Variants in VWA5B1 observed in about 807,000 individuals in gnomAD.
The protein encoded by VWA5B1 is von Willebrand factor A domain containing 5B1, also known as von Willebrand factor A domain-containing protein 5B1.
A neutral mutation model predicts 118.2 loss-of-function variants in VWA5B1; 115 were observed. That is an observed-to-expected ratio of 0.97 (90% confidence interval 0.84 to 1.14). The LOEUF is 1.14. Among genes scored for constraint, VWA5B1 ranks in the 50% most tolerant of loss-of-function variants. The probability of loss-of-function intolerance (pLI) is 0.00; values close to 1 mark genes in which losing one functional copy is unlikely to be tolerated. For synonymous variants in VWA5B1, 682 were observed against 658.4 expected, an observed-to-expected ratio of 1.04 and a Z score of -0.55; for missense variants, 1,596 against 1,603.8, an observed-to-expected ratio of 1.00 and a Z score of 0.08.
intron 6 of VWA5B1, 29 bp downstream of exon 6, chr1:20,318,750 C>T: frequency 6.9e-7 from 1 of 1,451,806 alleles, no homozygotes; most frequent in East Asian, 2.6e-5. Context: ...GGCCCCTGGG[C>T]TGCCTGTGGG....
intron 6 of VWA5B1, 79 bp from the exon 7 acceptor site, chr1:20,319,303 T>C: frequency 2.0e-6 from 3 of 1,523,962 alleles, no homozygotes; most frequent in Non-Finnish European, 2.7e-6. Context: ...TGTGAGAATC[T>C]TGCACCTAAA....
intron 1 of VWA5B1, among the ~76,000 whole-genome samples, chr1:20,299,281 G>A (rs1159451476): frequency 1.3e-5 from 2 of 152,122 alleles, no homozygotes; most frequent in Non-Finnish European, 2.9e-5. Flanking sequence ...GCACCAGCTG[G>A]AGCCCAAGAA....
intron 11 of VWA5B1, among the ~76,000 whole-genome samples, chr1:20,331,718 T>C (rs2089560470): frequency 6.6e-6 from 1 of 152,042 alleles, no homozygotes. Context: ...GCTGAATCAT[T>C]GACTTGGGGC....
At chr1:20,302,085 C>T (rs1242535031) in intron 1 of VWA5B1, among the ~76,000 whole-genome samples, 2 of 152,172 alleles carry the variant, frequency 1.3e-5, no homozygotes, top group African/African-American at 2.4e-5. Context: ...AGTCTCCTAG[C>T]TGGAAGCCCC....
chr1:20,322,346 AAGTCGGG>A (rs2089245091), intron 7 of VWA5B1, among the ~76,000 whole-genome samples: 1 of 152,130 alleles, frequency 6.6e-6, no homozygotes. Context: ...CAGAGAGAGA[AAGTCGGG>A]GTGGAAAGTG....
intron 4 of VWA5B1, among the ~76,000 whole-genome samples, chr1:20,316,244 C>A (rs564977696): frequency 2.6e-5 from 4 of 152,176 alleles, no homozygotes; most frequent in Non-Finnish European, 5.9e-5. Context: ...TGTGGCCTTT[C>A]ACCCAGGGAT....
At chr1:20,341,595 T>A (rs933361345) in intron 14 of VWA5B1, among the ~76,000 whole-genome samples, 1 of 152,258 alleles carries the variant, frequency 6.6e-6, no homozygotes, top group Non-Finnish European at 1.5e-5. Flanking sequence ...ACTTTTGCTA[T>A]AAACGGCCTG....
chr1:20,307,839 G>C (rs572410007), intron 1 of VWA5B1, among the ~76,000 whole-genome samples: 1 of 149,090 alleles, frequency 6.7e-6, no homozygotes, highest in Non-Finnish European at 1.5e-5. Flanking sequence ...TATAGATTTT[G>C]GTTTTTTATT....
intron 1 of VWA5B1, among the ~76,000 whole-genome samples, chr1:20,293,897 A>T (rs2088357717): frequency 6.6e-6 from 1 of 152,160 alleles, no homozygotes. Flanking sequence ...ACGTGGGTGG[A>T]CAGAGAGGAG....
intron 20 of VWA5B1, among the ~76,000 whole-genome samples, chr1:20,351,180 A>T (rs2090121867): frequency 6.6e-6 from 1 of 152,232 alleles, no homozygotes; most frequent in African/African-American, 2.4e-5. Context: ...GAGGGCTGAC[A>T]TAAAACTCTT....
intron 14 of VWA5B1, chr1:20,338,048 C>G (rs762273771): frequency 1.4e-6 from 1 of 701,222 alleles, no homozygotes; most frequent in South Asian, 1.5e-5. Flanking sequence ...CGCTCATTCC[C>G]TGCACACACA....
chr1:20,314,226 T>C (rs2088932478), intron 3 of VWA5B1, 96 bp from the exon 4 acceptor site: 1 of 1,307,456 alleles, frequency 7.6e-7, no homozygotes, highest in Non-Finnish European at 1.1e-6. Context: ...GATTTTCCCA[T>C]CAGCAAAATG....
At chr1:20,333,824 AGTCTGTCCACTCT>A (rs1273584919) in intron 12 of VWA5B1, among the ~76,000 whole-genome samples, 1 of 152,198 alleles carries the variant, frequency 6.6e-6, no homozygotes. Flanking sequence ...CTCTTTCGTG[AGTCTGTCCACTCT>A]CTCTAAAGGA....
chr1:20,348,243 A>C lies in VWA5B1; in HGVS notation c.2765-2A>C, dbSNP rs2090049570. 6.4e-7 allele frequency: 1 copy of C among 1,551,388 alleles called. No individual in the cohort carries two copies. The highest frequency in any genetic ancestry group is 8.7e-7 in the Non-Finnish European group (1 of 1,146,918). On this transcript the variant is annotated splice_acceptor_variant, in intron 17 of 21. Transcript: ENST00000289815. LOFTEE classifies it high-confidence loss of function. ...ACCCGCTTCCCCTTGTCTTCCGCGA[A>C]GGAGCTGCCCTGCGTATGCTTGGCT...
chr1:20,291,359 T>TTCTTTCTTTCTTTCTCTCTCTCTCTCTC (rs1381113890), intron 1 of VWA5B1, among the ~76,000 whole-genome samples: 3 of 103,408 alleles, frequency 2.9e-5, no homozygotes, highest in African/African-American at 1.1e-4. Flanking sequence ...CTTTCTTTCT[T>TTCTTTCTTTCTTTCTCTCTCTCTCTCTC]TCTCTCTCTC....
chr1:20,356,287 C>T lies in VWA5B1; in HGVS notation c.*2024C>T, dbSNP rs944752473. Among the ~76,000 whole-genome samples the T allele has an allele frequency of 6.6e-6, 1 of 152,306 alleles. No homozygotes were observed. Among genetic ancestry groups the T allele is most frequent in the East Asian group, 1.9e-4 (1 of 5,166 alleles). ...GTACTAGTTTGGGCAAGTGGTTTCT[C>T]CTCCTAGGTGCCCTGGAGCTGGGGC... On this transcript the variant is annotated 3_prime_UTR_variant, in exon 22 of 22. Coordinates refer to ENST00000289815, the MANE Select transcript of VWA5B1 (RefSeq NM_001039500.3).
At chr1:20,299,925 G>A (rs536367345) in intron 1 of VWA5B1, among the ~76,000 whole-genome samples, 2 of 152,222 alleles carry the variant, frequency 1.3e-5, no homozygotes, top group Non-Finnish European at 2.9e-5. Context: ...TGCCGCAGTT[G>A]GTGTGGAAGG....
chr1:20,315,940 C>T (rs567255783), intron 4 of VWA5B1, among the ~76,000 whole-genome samples: 152 of 119,762 alleles, frequency 1.3e-3, no homozygotes, highest in African/African-American at 3.7e-3. Context: ...GCTAGGACAT[C>T]CGGACCTCAG....
intron 13 of VWA5B1, among the ~76,000 whole-genome samples, chr1:20,337,224 T>C (rs183040396): frequency 2.0e-4 from 31 of 152,256 alleles, no homozygotes; most frequent in Admixed American, 6.5e-4. Flanking sequence ...ACCTTCTGGA[T>C]TCAAGCAATT....
Sources: gnomAD v4.1 joint callset for allele counts (sites outside exome capture counted in the v4.1 genomes callset) on GRCh38, gnomAD v4.1.1 for gene constraint, MANE v1.5 for transcripts, NCBI Gene and HGNC (gene_info 2026-07-23, HGNC 2026-07-21) for gene names.